The following KAZN variants were observed in gnomAD, a reference collection of about 807,000 sequenced individuals.
KAZN encodes kazrin, periplakin interacting protein.
In KAZN, 40 loss-of-function variants were observed where a neutral mutation model predicts 87.4. The observed-to-expected ratio is 0.46, with a 90% CI of 0.36 to 0.60. KAZN has a LOEUF of 0.60. Among genes scored for constraint, KAZN ranks in the 20% least tolerant of loss-of-function variants. The pLI is 0.00. For synonymous variants in KAZN, 466 were observed against 458.3 expected (o/e 1.02, Z -0.22); for missense variants, 898 against 1,073.9 (o/e 0.84, Z 2.29).
chr1:14,594,502 C>T (rs986657997), upstream of KAZN, among the ~76,000 whole-genome samples: 1 of 152,150 alleles, frequency 6.6e-6, no homozygotes, highest in Non-Finnish European at 1.5e-5. Flanking sequence ...TGGGGTTGGG[C>T]TGGTTGAGAG....
chr1:14,851,281 G>T (rs1649404517), intron 1 of KAZN, among the ~76,000 whole-genome samples: 1 of 152,182 alleles, frequency 6.6e-6, no homozygotes, highest in African/African-American at 2.4e-5. Flanking sequence ...CACTGCCCAA[G>T]ACGCCGGCTG....
At chr1:14,114,276 C>A (rs189959949) in intron 1 of KAZN, among the ~76,000 whole-genome samples, 1 of 152,038 alleles carries the variant, frequency 6.6e-6, no homozygotes, top group Admixed American at 6.6e-5. Context: ...TCAGCTGCTG[C>A]GTGGGGGGCC....
At chr1:14,068,054 C>T (rs974719919) in intron 1 of KAZN, among the ~76,000 whole-genome samples, 3 of 152,178 alleles carry the variant, frequency 2.0e-5, no homozygotes, top group Non-Finnish European at 4.4e-5. Context: ...CATGCCAACT[C>T]CTGGATTTAG....
At chr1:14,452,098 C>T (rs1240637738) in intron 2 of KAZN, among the ~76,000 whole-genome samples, 1 of 152,122 alleles carries the variant, frequency 6.6e-6, no homozygotes, top group African/African-American at 2.4e-5. Context: ...CCCCACCATG[C>T]CTGGCTAATT....
chr1:14,119,196 C>T (rs149409653), intron 1 of KAZN, among the ~76,000 whole-genome samples: 134 of 152,256 alleles, frequency 8.8e-4, no homozygotes, highest in African/African-American at 3.0e-3. Context: ...TGGGTTTTCA[C>T]GATGAGAAGA....
chr1:13,910,123 G>A (rs1362618580), intron 1 of KAZN, among the ~76,000 whole-genome samples: 1 of 152,116 alleles, frequency 6.6e-6, no homozygotes, highest in Non-Finnish European at 1.5e-5. Flanking sequence ...GGAGGTGATT[G>A]GATCATAAAG....
At chr1:14,151,906 A>G (rs1285461464) in intron 1 of KAZN, among the ~76,000 whole-genome samples, 1 of 152,200 alleles carries the variant, frequency 6.6e-6, no homozygotes, top group Non-Finnish European at 1.5e-5. Context: ...TTACTTGTGG[A>G]AAGGAAAAAA....
chr1:14,640,494 T>C (rs1370438734), intron 1 of KAZN, among the ~76,000 whole-genome samples: 1 of 152,172 alleles, frequency 6.6e-6, no homozygotes, highest in Non-Finnish European at 1.5e-5. Context: ...ATTGGAGAGA[T>C]TGGCTATACT....
intron 1 of KAZN, among the ~76,000 whole-genome samples, chr1:14,709,772 A>C (rs779155793): frequency 6.6e-6 from 1 of 152,160 alleles, no homozygotes; most frequent in Non-Finnish European, 1.5e-5. Flanking sequence ...ATGACACCTG[A>C]GGTCAGCAGG....
Position 14,700,222 on chromosome 1 carries a change from A to G in KAZN, c.226+100999A>G, listed in dbSNP as rs1318581649. On this transcript the variant is annotated intron_variant, in intron 1 of 14. Coordinates refer to ENST00000376030, the MANE Select transcript of KAZN (RefSeq NM_201628.3). ...TCATGGGAAGGAGGAGGACTTGCCC[A>G]CGTCATTCTTGAAAATGTGCTGTAA... is the stretch of plus-strand genomic sequence containing the variant. 1.3e-5 allele frequency among the ~76,000 whole-genome samples: 2 copies of G among 152,206 alleles called. 1 individual carries two copies. The highest frequency in any genetic ancestry group is 4.8e-5 in the African/African-American group (2 of 41,448).
chr1:14,566,003 A>G (rs4306122), intron 2 of KAZN, among the ~76,000 whole-genome samples: 146,635 of 152,290 alleles, frequency 0.96, 70,886 homozygotes, highest in East Asian at 1. Flanking sequence ...ACCTTCTCCC[A>G]TGAATTACAA....
intron 1 of KAZN, among the ~76,000 whole-genome samples, chr1:14,628,179 C>T (rs919242355): frequency 2.6e-5 from 4 of 152,170 alleles, no homozygotes; most frequent in South Asian, 2.1e-4. Flanking sequence ...GCAGTGGATC[C>T]GGGTGCAGTT....
At chr1:14,385,554 C>T (rs1283852447) in intron 2 of KAZN, among the ~76,000 whole-genome samples, 8 of 152,018 alleles carry the variant, frequency 5.3e-5, no homozygotes, top group Admixed American at 1.3e-4. Flanking sequence ...TTATTTCTGC[C>T]TTCATTTCAT....
intron 2 of KAZN, among the ~76,000 whole-genome samples, chr1:14,277,358 C>A (rs1444783181): frequency 2.6e-5 from 4 of 152,048 alleles, no homozygotes; most frequent in Non-Finnish European, 4.4e-5. Flanking sequence ...ATTTTTAAAC[C>A]TATACGAGTT....
chr1:14,213,685 A>C (rs1181420414), intron 2 of KAZN, among the ~76,000 whole-genome samples: 1 of 152,222 alleles, frequency 6.6e-6, no homozygotes, highest in Non-Finnish European at 1.5e-5. Flanking sequence ...GAGGGTTTGA[A>C]GCCAAAGAAT....
chr1:15,050,467 C>T (rs1167925757), intron 4 of KAZN, among the ~76,000 whole-genome samples: 3 of 152,208 alleles, frequency 2.0e-5, no homozygotes, highest in African/African-American at 7.2e-5. Context: ...AAAACGACAG[C>T]CACCACAGGC....
intron 2 of KAZN, among the ~76,000 whole-genome samples, chr1:14,413,620 C>T (rs1207903260): frequency 9.4e-6 from 1 of 106,548 alleles, no homozygotes; most frequent in Non-Finnish European, 1.9e-5. Flanking sequence ...AAAAAAAAAA[C>T]GCATTTAAGA....
At chr1:14,418,948 A>C (rs1374913123) in intron 2 of KAZN, among the ~76,000 whole-genome samples, 1 of 152,242 alleles carries the variant, frequency 6.6e-6, no homozygotes, top group Non-Finnish European at 1.5e-5. Context: ...CGGCACCCAG[A>C]AACTGTCCCC....
At chr1:14,737,778 G>A (rs1032809017) in intron 1 of KAZN, among the ~76,000 whole-genome samples, 1 of 152,164 alleles carries the variant, frequency 6.6e-6, no homozygotes, top group South Asian at 2.1e-4. Flanking sequence ...ATGGCTGTTT[G>A]CCAGGTGCTG....
Sources: allele counts gnomAD v4.1 joint callset (sites outside exome capture counted in the v4.1 genomes callset), GRCh38; gene constraint gnomAD v4.1.1; transcripts MANE v1.5; gene names NCBI Gene and HGNC (gene_info 2026-07-23, HGNC 2026-07-21).